Variants in CKAP2L observed in about 807,000 individuals in gnomAD.
CKAP2L encodes cytoskeleton associated protein 2L, also known as cytoskeleton-associated protein 2-like.
Under a neutral mutation model 65.7 loss-of-function variants are expected in CKAP2L, and 42 were observed. That is an observed-to-expected ratio of 0.64 (90% CI 0.50 to 0.83). The LOEUF is 0.83. CKAP2L is among the 40% of genes least tolerant of loss of function. The pLI, the probability that CKAP2L is intolerant of heterozygous loss-of-function variation, is 0.00. For synonymous variants in CKAP2L, 325 were observed against 313.5 expected (o/e 1.04, Z -0.39); for missense variants, 908 against 871.0 (o/e 1.04, Z -0.53).
At chr2:112,747,749 C>T (rs1680248322) in intron 5 of CKAP2L, among the ~76,000 whole-genome samples, 1 of 152,148 alleles carries the variant, frequency 6.6e-6, no homozygotes, top group Admixed American at 6.5e-5. Context: ...TTGAGAATCA[C>T]TAACATTTGA....
chr2:112,742,648 G>A, intron 7 of CKAP2L, 58 bp downstream of exon 7: 1 of 1,128,554 alleles, frequency 8.9e-7, no homozygotes, highest in Non-Finnish European at 1.3e-6. Context: ...TATATGTCCT[G>A]GATGATTTTT....
At chr2:112,758,341 A>G (rs148781949) in intron 3 of CKAP2L, among the ~76,000 whole-genome samples, 121 of 152,356 alleles carry the variant, frequency 7.9e-4, no homozygotes, top group Non-Finnish European at 1.5e-3. Flanking sequence ...ACAGAGATTT[A>G]TGGAATATGT....
At chr2:112,744,617 T>C (rs933318217) in intron 6 of CKAP2L, among the ~76,000 whole-genome samples, 1 of 152,194 alleles carries the variant, frequency 6.6e-6, no homozygotes, top group East Asian at 1.9e-4. Context: ...CAAAAGTTTC[T>C]ATGTTGAGGG....
intron 7 of CKAP2L, 97 bp from the exon 8 acceptor site, chr2:112,741,104 C>T: frequency 1.2e-6 from 1 of 807,162 alleles, no homozygotes; most frequent in Non-Finnish European, 2.0e-6. Context: ...CAATGATTTC[C>T]CAGTGATCTT....
At chr2:112,755,939 A>T (rs750971520) in intron 4 of CKAP2L, 38 bp downstream of exon 4, 2 of 1,518,054 alleles carry the variant, frequency 1.3e-6, no homozygotes, top group Non-Finnish European at 1.8e-6. Context: ...TTGCCTAATC[A>T]TCTTAAGTTG....
chr2:112,751,539 G>A (rs1329233632), intron 5 of CKAP2L, among the ~76,000 whole-genome samples: 1 of 152,106 alleles, frequency 6.6e-6, no homozygotes, highest in Non-Finnish European at 1.5e-5. Context: ...AAAAAAAGAG[G>A]ATAAGAAAAA....
chr2:112,744,718 C>G (rs1277388088), intron 6 of CKAP2L, among the ~76,000 whole-genome samples: 2 of 152,178 alleles, frequency 1.3e-5, no homozygotes, highest in Admixed American at 1.3e-4. Flanking sequence ...CTCCAGATAA[C>G]TTGACCAGCT....
intron 8 of CKAP2L, among the ~76,000 whole-genome samples, chr2:112,739,391 A>G (rs1221807919): frequency 6.6e-6 from 1 of 152,226 alleles, no homozygotes; most frequent in Non-Finnish European, 1.5e-5. Context: ...ATTGTACTCC[A>G]GTCTGGGCAA....
At position 112,736,960 on chromosome 2, in the gene CKAP2L, T is replaced by G. The variant is rs977481099; in HGVS notation, c.*1863A>C. 6.6e-5 allele frequency: 10 copies of G among 152,046 alleles called. No individual in the cohort carries two copies. The highest frequency in any genetic ancestry group is 2.2e-4 in the African/African-American group (9 of 41,366). 9.4% of individuals were successfully genotyped at this position (152,046 alleles called of 1,614,324 possible). The stretch of plus-strand genomic sequence containing the variant: ...TTTTTTTTTTGAGATGGAGTCTTGC[T>G]CTGTAACCCAGGCTGGAGTGCAGTG... On this transcript the variant is annotated 3_prime_UTR_variant, in exon 9 of 9. Transcript: ENST00000302450.
intron 5 of CKAP2L, among the ~76,000 whole-genome samples, chr2:112,749,710 T>C (rs1395259803): frequency 6.6e-6 from 1 of 152,192 alleles, no homozygotes; most frequent in East Asian, 1.9e-4. Flanking sequence ...TATTTAGAAA[T>C]GAACAATGAC....
intron 5 of CKAP2L, 92 bp downstream of exon 5, chr2:112,752,175 G>T: frequency 1.2e-6 from 1 of 858,748 alleles, no homozygotes. Context: ...CTACTTAGAT[G>T]AAGGCTATCT....
Position 112,740,806 on chromosome 2 carries a change from G to A in CKAP2L, c.2012+12C>T, listed in dbSNP as rs763625186. The A allele has an allele frequency of 5.0e-6, 8 of 1,594,428 alleles. No individual in the cohort carries two copies. The highest frequency in any genetic ancestry group is 3.4e-5 in the Admixed American group (2 of 58,888). ...GTCTGTGAACACAAAGTCTGCTTTAGAGTTTGCTTACCTAGGGATTGGACC... is the reference window on the plus strand; with the variant it reads ...GTCTGTGAACACAAAGTCTGCTTTAAAGTTTGCTTACCTAGGGATTGGACC... On this transcript the variant is annotated intron_variant, in intron 8 of 8. Coordinates refer to ENST00000302450, the MANE Select transcript of CKAP2L (RefSeq NM_152515.5).
chr2:112,763,184 T>C (rs748497974), intron 1 of CKAP2L, among the ~76,000 whole-genome samples: 2 of 152,200 alleles, frequency 1.3e-5, no homozygotes, highest in Non-Finnish European at 2.9e-5. Flanking sequence ...GTTACCCAGC[T>C]AATATGTGGC....
rs1344099664 is a variant in CKAP2L at position 112,737,537 on chromosome 2, T to C, written c.*1286A>G. The C allele has an allele frequency of 6.6e-6, 1 of 152,232 alleles. No homozygotes were observed. Among genetic ancestry groups the C allele is most frequent in the Non-Finnish European group, 1.5e-5 (1 of 68,046 alleles). 9.4% of individuals were successfully genotyped at this position (152,232 alleles called of 1,614,324 possible). On this transcript the variant is annotated 3_prime_UTR_variant, in exon 9 of 9. Transcript: ENST00000302450. ...ATTTCTTATGTCTTCTTTGGAGAAATGTCTGCTCAGGTCCTTTGCCCATTT... is the reference window on the plus strand; with the variant it reads ...ATTTCTTATGTCTTCTTTGGAGAAACGTCTGCTCAGGTCCTTTGCCCATTT...
Position 112,762,415 on chromosome 2 carries a change from A to C in CKAP2L, c.104+88T>G, listed in dbSNP as rs933259189. The stretch of plus-strand genomic sequence containing the variant: ...CCCAGTGCAGTCTGAGTAGACTCTA[A>C]GCAAAAGGGACATTTTTCAAAAAGG... On this transcript the variant is annotated intron_variant, in intron 2 of 8. Coordinates refer to ENST00000302450, the MANE Select transcript of CKAP2L (RefSeq NM_152515.5). The C allele has an allele frequency of 6.1e-6, 6 of 990,132 alleles. No homozygotes were observed. In the African/African-American group the frequency reaches 9.5e-5, roughly 16 times the overall value. 61.3% of individuals were successfully genotyped at this position (990,132 alleles called of 1,614,324 possible).
intron 5 of CKAP2L, among the ~76,000 whole-genome samples, 176 bp from the exon 6 acceptor site, chr2:112,746,751 T>C (rs912074519): frequency 6.6e-6 from 1 of 152,178 alleles, no homozygotes; most frequent in African/African-American, 2.4e-5. Context: ...AATGCACCTG[T>C]TTTAATTATC....
In CKAP2L at chr2:112,746,458, TAAC is replaced by T. The variant is rs1680203624; in HGVS notation, c.1717_1719del (p.Val573del). 7.4e-6 allele frequency: 12 copies of T among 1,613,006 alleles called. No homozygotes were observed. Among genetic ancestry groups the T allele is most frequent in the Non-Finnish European group, 1.0e-5 (12 of 1,179,218 alleles). ...TTAATGGCCTCTTCATATAGCCCAA[TAAC>T]ATCAAAGGTGCCTTTACTTGCCAAC... is the stretch of plus-strand genomic sequence containing the variant. On this transcript the variant is annotated inframe_deletion, in exon 6 of 9. Coordinates refer to ENST00000302450, the MANE Select transcript of CKAP2L (RefSeq NM_152515.5).
chr2:112,752,048 A>G (rs906060849), intron 5 of CKAP2L, among the ~76,000 whole-genome samples: 5 of 152,218 alleles, frequency 3.3e-5, no homozygotes, highest in Admixed American at 6.5e-5. Context: ...AGTGGTTATG[A>G]TAATTATGTG....
intron 6 of CKAP2L, among the ~76,000 whole-genome samples, chr2:112,743,827 A>G (rs1680110055): frequency 6.6e-6 from 1 of 152,104 alleles, no homozygotes; most frequent in Admixed American, 6.6e-5. Context: ...AGAAAAAAAA[A>G]CCTTCATGGA....
Sources: gnomAD v4.1 joint callset for allele counts (sites outside exome capture counted in the v4.1 genomes callset) on GRCh38, gnomAD v4.1.1 for gene constraint, MANE v1.5 for transcripts, NCBI Gene and HGNC (gene_info 2026-07-23, HGNC 2026-07-21) for gene names.